Variants in ZSCAN20 observed in about 807,000 individuals in gnomAD.
ZSCAN20 encodes zinc finger and SCAN domain containing 20.
ZSCAN20 carries 39 observed loss-of-function variants against 97.1 expected under a neutral mutation model. The ratio of observed to expected loss-of-function variants is 0.40; its 90% confidence interval spans 0.31 to 0.52. ZSCAN20 has a LOEUF of 0.52. ZSCAN20 is among the 20% of genes least tolerant of loss of function. The pLI, the probability that ZSCAN20 is intolerant of heterozygous loss-of-function variation, is 0.49. For missense variants in ZSCAN20, 1,115 were observed against 1,290.4 expected, an observed-to-expected ratio of 0.86 and a Z score of 2.08; for synonymous variants, 456 against 467.3, an observed-to-expected ratio of 0.98 and a Z score of 0.31.
Position 33,493,396 on chromosome 1 carries a change from A to C in ZSCAN20, c.1654A>C (p.Ser552Arg). 6.2e-7 allele frequency: 1 copy of C among 1,614,184 alleles called. No individual in the cohort carries two copies. The highest frequency in any genetic ancestry group is 8.5e-7 in the Non-Finnish European group (1 of 1,180,024). The change falls in exon 7 of 8, where the codon AGC becomes CGC. Residue 552 changes from serine (S) to arginine (R), a missense_variant. By Grantham distance (110) the Ser-to-Arg change is moderately radical. Coordinates refer to ENST00000684572, the MANE Select transcript of ZSCAN20 (RefSeq NM_001377376.1). This position sits in a 1 kb window ranked among gnomAD's most constrained non-coding sequence, Gnocchi z 4.3. ...CCTTCGAAGCTACCGGAAAGCCAAG[A>C]GCAGCCACCCACCAGGGACATGCCC... is the stretch of plus-strand genomic sequence containing the variant. ...NLLRSYRKAK[S>R]SHPPGTCPFY...
chr1:33,495,267 A>G lies in ZSCAN20; in HGVS notation c.2923A>G (p.Ile975Val). ...ATTCTTCCGTGACCGTTCTAACCTC[A>G]TTACTCACCAGAGGATTCATACGGG... ...GKFFRDRSNLITHQRIHTGEK... is the reference protein window; with the variant it reads ...GKFFRDRSNLVTHQRIHTGEK... Residue 975 changes from isoleucine (I) to valine (V), a missense_variant, in exon 8 of 8, where the codon ATT (isoleucine) becomes GTT (valine). Ile to Val is a conservative substitution (Grantham distance 29). This residue lies in a region of ZSCAN20 where 554 missense variants were observed against 584.9 expected (regional missense o/e 0.95). Transcript: ENST00000684572. The G allele has an allele frequency of 6.2e-7, 1 of 1,612,020 alleles. No homozygotes were observed. Among genetic ancestry groups the G allele is most frequent in the Non-Finnish European group, 8.5e-7 (1 of 1,178,574 alleles).
In ZSCAN20 at chr1:33,494,449, G is replaced by T; in HGVS notation, c.2105G>T (p.Gly702Val). ...EDLEKLIDHQ[G>V]LYLAEKPYKC... ...TTAGAAAAACTTATTGACCATCAAGGCCTGTACCTTGCAGAGAAACCCTAC... is the reference window on the plus strand; with the variant it reads ...TTAGAAAAACTTATTGACCATCAAGTCCTGTACCTTGCAGAGAAACCCTAC... Residue 702 changes from glycine (G) to valine (V), a missense_variant, in exon 8 of 8, where the codon GGC (glycine) becomes GTC (valine). Physicochemically the swap from Gly to Val is moderately radical, Grantham distance 109. Transcript: ENST00000684572. 6.2e-7 allele frequency: 1 copy of T among 1,614,140 alleles called. No homozygotes were observed. Among genetic ancestry groups the T allele is most frequent in the Non-Finnish European group, 8.5e-7 (1 of 1,179,994 alleles).
In ZSCAN20 at chr1:33,493,453, G is replaced by A; in HGVS notation, c.1711G>A (p.Ala571Thr). Reference protein sequence around the residue: ...FYEELDSLMRARAAVRAMGTV... With the variant: ...FYEELDSLMRTRAAVRAMGTV... ...TGAGGAACTGGACTCGCTGATGAGG[G>A]CTCGGGCTGCAGTCAGGGCCATGGG... The change falls in exon 7 of 8, where the codon GCT becomes ACT. Residue 571 changes from alanine (A) to threonine (T), a missense_variant. Coordinates refer to ENST00000684572, the MANE Select transcript of ZSCAN20 (RefSeq NM_001377376.1). The surrounding 1 kb of genome is among the most constrained non-coding windows in gnomAD (Gnocchi z 4.3). The A allele has an allele frequency of 6.2e-7, 1 of 1,614,210 alleles. No individual in the cohort carries two copies. Among genetic ancestry groups the A allele is most frequent in the Non-Finnish European group, 8.5e-7 (1 of 1,180,050 alleles).
At chr1:33,485,534 T>A (rs57656957) in intron 2 of ZSCAN20, among the ~76,000 whole-genome samples, 113,213 of 151,634 alleles carry the variant, frequency 0.75, 42,563 homozygotes, top group African/African-American at 0.78. Context: ...CTCAGCCCCC[T>A]GTAGCTGGGA....
rs757253704 is a variant in ZSCAN20, at chr1:33,501,635, G to A, written c.*6159G>A. On this transcript the variant is annotated 3_prime_UTR_variant, in exon 8 of 8. Transcript: ENST00000684572. ...ATAAGTTAATAAATTATATTAAACTGCCAAAAAAGGAATGTGTTTTCGATT... is the reference window on the plus strand; with the variant it reads ...ATAAGTTAATAAATTATATTAAACTACCAAAAAAGGAATGTGTTTTCGATT... Among the ~76,000 whole-genome samples the A allele has an allele frequency of 6.7e-6, 1 of 148,748 alleles. No individual in the cohort carries two copies.
rs774195110 is a variant in ZSCAN20 at position 33,494,590 on chromosome 1, A to G, written c.2246A>G (p.Asp749Gly). Residue 749 changes from aspartate to glycine, a missense_variant, in exon 8 of 8, where the codon GAC becomes GGC. Asp to Gly is a moderately conservative substitution (Grantham distance 94). This residue lies in a region of ZSCAN20 where 554 missense variants were observed against 584.9 expected (regional missense o/e 0.95). Coordinates refer to ENST00000684572, the MANE Select transcript of ZSCAN20 (RefSeq NM_001377376.1). Reference protein sequence around the residue: ...KCLECGKNFSDRSNLNTHQRI... With the variant: ...KCLECGKNFSGRSNLNTHQRI... The stretch of plus-strand genomic sequence containing the variant: ...CTTGAATGTGGAAAAAACTTTAGTG[A>G]CCGCTCTAACCTCAATACCCATCAG... 1 of 1,613,816 alleles carries G rather than the reference A, an allele frequency of 6.2e-7. No homozygotes were observed. Among genetic ancestry groups the G allele is most frequent in the Non-Finnish European group, 8.5e-7 (1 of 1,179,830 alleles).
rs1220716111 is a variant in ZSCAN20, at chr1:33,491,766, C to G, written c.1444+64C>G. ...CCCTCCTACCAGCTAGACTGCTATT[C>G]CCTGAGGTCAGGGCACAGGCTGCAA... On this transcript the variant is annotated intron_variant, in intron 6 of 7. Transcript: ENST00000684572. The surrounding 1 kb of genome is among the most constrained non-coding windows in gnomAD (Gnocchi z 4.3). The G allele has an allele frequency of 6.7e-7, 1 of 1,487,132 alleles. No homozygotes were observed. Among genetic ancestry groups the G allele is most frequent in the Non-Finnish European group, 9.0e-7 (1 of 1,109,068 alleles). The allele number at this position is 1,487,132 out of a possible 1,614,324, so 92.1% of individuals were successfully genotyped here. A position where few individuals can be genotyped will look rare whatever the true frequency, so the allele number is the denominator to read the frequency against.
chr1:33,481,077 A>G lies in ZSCAN20; in HGVS notation c.417+1372A>G, dbSNP rs559522781. Among the ~76,000 whole-genome samples the G allele has an allele frequency of 5.3e-5, 8 of 152,328 alleles. No individual in the cohort carries two copies. The South Asian group carries it at 1.2e-3, about 24-fold the overall frequency. ...GGGGAGCAAAGGTTTTAGACCGGTGACTTTGCTCTTTGGATTCCTTTACAA... is the reference window on the plus strand; with the variant it reads ...GGGGAGCAAAGGTTTTAGACCGGTGGCTTTGCTCTTTGGATTCCTTTACAA... On this transcript the variant is annotated intron_variant, in intron 2 of 7. Coordinates refer to ENST00000684572, the MANE Select transcript of ZSCAN20 (RefSeq NM_001377376.1).
At chr1:33,492,663 C>G (rs1459036709) in intron 6 of ZSCAN20, 2 of 151,302 alleles carry the variant, frequency 1.3e-5, no homozygotes, top group East Asian at 2.0e-4. Context: ...GTAATCCCAG[C>G]TACTCAGGAG....
chr1:33,479,474 A>G lies in ZSCAN20; in HGVS notation c.186A>G (p.Ala62=), dbSNP rs1402533548. Residue 62 remains alanine, a synonymous_variant, in exon 2 of 8, where the codon GCA becomes GCG. Transcript: ENST00000684572. ...QRFRQFQYRD[A]AGPHEAFSQL... ...TCAGGCAATTCCAATACAGGGATGCAGCTGGACCCCACGAGGCCTTCAGCC... is the reference window on the plus strand; with the variant it reads ...TCAGGCAATTCCAATACAGGGATGCGGCTGGACCCCACGAGGCCTTCAGCC... The G allele has an allele frequency of 1.9e-6, 3 of 1,613,836 alleles. No homozygotes were observed. The highest frequency in any genetic ancestry group is 2.5e-6 in the Non-Finnish European group (3 of 1,179,824).
chr1:33,493,066 A>G lies in ZSCAN20; in HGVS notation c.1445-121A>G. ...AGAAGCAAAGGGATATTCTCCAGGT[A>G]CCTGGATAGTTTCTGACATGCCTAT... On this transcript the variant is annotated intron_variant, in intron 6 of 7. Transcript: ENST00000684572. This position sits in a 1 kb window ranked among gnomAD's most constrained non-coding sequence, Gnocchi z 4.3. 1 of 1,020,768 alleles carries G rather than the reference A, an allele frequency of 9.8e-7. No homozygotes were observed. Among genetic ancestry groups the G allele is most frequent in the Non-Finnish European group, 1.4e-6 (1 of 703,690 alleles). 63.2% of individuals were successfully genotyped at this position (1,020,768 alleles called of 1,614,324 possible). A position where few individuals can be genotyped will look rare whatever the true frequency, so the allele number is the denominator to read the frequency against.
At position 33,497,356 on chromosome 1, in the gene ZSCAN20, AAT is replaced by A. The variant is rs1383107237; in HGVS notation, c.*1882_*1883del. ...GTCAGCAGATGTCAGTAACTGCAGT[AAT>A]ACAGTGATATTGTCTAGTAATGTGA... On this transcript the variant is annotated 3_prime_UTR_variant, in exon 8 of 8. Transcript: ENST00000684572. Among the ~76,000 whole-genome samples the A allele has an allele frequency of 6.6e-6, 1 of 152,196 alleles. No homozygotes were observed. The highest frequency in any genetic ancestry group is 1.5e-5 in the Non-Finnish European group (1 of 68,040).
chr1:33,499,454 A>G lies in ZSCAN20; in HGVS notation c.*3978A>G, dbSNP rs1314635007. On this transcript the variant is annotated 3_prime_UTR_variant, in exon 8 of 8. Coordinates refer to ENST00000684572, the MANE Select transcript of ZSCAN20 (RefSeq NM_001377376.1). ...CTCTTAGGATCCCAGCTGCCTGCCA[A>G]CCAGCTGTGCTTGGGTGACTCCTGG... is the stretch of plus-strand genomic sequence containing the variant. 6.6e-6 allele frequency among the ~76,000 whole-genome samples: 1 copy of G among 151,738 alleles called. No homozygotes were observed. The highest frequency in any genetic ancestry group is 1.5e-5 in the Non-Finnish European group (1 of 67,968).
rs745687435 is a variant in ZSCAN20, at chr1:33,491,653, C to G, written c.1395C>G (p.Thr465=). 3 of 1,612,576 alleles carry G rather than the reference C, an allele frequency of 1.9e-6. No individual in the cohort carries two copies. In the East Asian group the frequency reaches 6.7e-5, roughly 36 times the overall value. ...NGAGLVNVES[T]QGPRIAGAPA... is the part of the protein sequence containing the mutation. ...CTGGCCTGGTCAATGTTGAGTCTAC[C>G]CAGGGGCCCAGGATTGCAGGGGCCC... The change falls in exon 6 of 8, where the codon ACC becomes ACG. Residue 465 remains threonine, a synonymous_variant. Coordinates refer to ENST00000684572, the MANE Select transcript of ZSCAN20 (RefSeq NM_001377376.1). The surrounding 1 kb of genome is among the most constrained non-coding windows in gnomAD (Gnocchi z 4.3).
rs1553124199 is a variant in ZSCAN20, at chr1:33,501,537, T to TTTA, written c.*6063_*6064insATT. Among the ~76,000 whole-genome samples, 773 of 26,404 alleles carry TTTA rather than the reference T, an allele frequency of 0.029. 7 individuals carry two copies. Among genetic ancestry groups the TTTA allele is most frequent in the African/African-American group, 0.18 (560 of 3,104 alleles). 17.3% of individuals were successfully genotyped at this position (26,404 alleles called of 152,430 possible). A position where few individuals can be genotyped will look rare whatever the true frequency, so the allele number is the denominator to read the frequency against. On this transcript the variant is annotated 3_prime_UTR_variant, in exon 8 of 8. Transcript: ENST00000684572. ...GCTTTCACTTCCCCATTTTCTGTTA[T>TTTA]TTTTTTTTTTTTTGTGCTGTTATGT... is the stretch of plus-strand genomic sequence containing the variant.
In ZSCAN20 at chr1:33,493,181, T is replaced by C. The variant is rs1242876616; in HGVS notation, c.1445-6T>C. 1 of 1,611,730 alleles carries C rather than the reference T, an allele frequency of 6.2e-7. No individual in the cohort carries two copies. The highest frequency in any genetic ancestry group is 8.5e-7 in the Non-Finnish European group (1 of 1,178,090). ...CTCACAGTTCTCAACTCTTCACTCC[T>C]GACAGCAGGTGTGCACTGGGGCTAT... On this transcript the variant is annotated splice_polypyrimidine_tract_variant and splice_region_variant and intron_variant, in intron 6 of 7. Coordinates refer to ENST00000684572, the MANE Select transcript of ZSCAN20 (RefSeq NM_001377376.1). This position sits in a 1 kb window ranked among gnomAD's most constrained non-coding sequence, Gnocchi z 4.3.
Position 33,499,768 on chromosome 1 carries a change from A to AT in ZSCAN20, c.*4300dup, listed in dbSNP as rs142324411. On this transcript the variant is annotated 3_prime_UTR_variant, in exon 8 of 8. Coordinates refer to ENST00000684572, the MANE Select transcript of ZSCAN20 (RefSeq NM_001377376.1). ...ATCATTCAAAATATTCCCTTACCCC[A>AT]TTTTTTTTGGGGGGGAGATGGGGGT... Among the ~76,000 whole-genome samples, 512 of 151,948 alleles carry AT rather than the reference A, an allele frequency of 3.4e-3. 3 individuals carry two copies. Among genetic ancestry groups the AT allele is most frequent in the Non-Finnish European group, 5.2e-3 (355 of 67,922 alleles).
rs1222695363 is a variant in ZSCAN20 at position 33,495,118 on chromosome 1, A to C, written c.2774A>C (p.His925Pro). ...ACCCTGGCCAACCACCAGCGCACCC[A>C]CACTGGAGAGAAGCCGTATAAATGT... ...SSTLANHQRT[H>P]TGEKPYKCVD... Residue 925 changes from histidine to proline, a missense_variant, in exon 8 of 8, where the codon CAC becomes CCC. This residue lies in a region of ZSCAN20 where 554 missense variants were observed against 584.9 expected (regional missense o/e 0.95). Coordinates refer to ENST00000684572, the MANE Select transcript of ZSCAN20 (RefSeq NM_001377376.1). 1.9e-6 allele frequency: 3 copies of C among 1,613,518 alleles called. No individual in the cohort carries two copies. The highest frequency in any genetic ancestry group is 2.5e-6 in the Non-Finnish European group (3 of 1,179,638).
Position 33,479,570 on chromosome 1 carries a change from C to G in ZSCAN20, c.282C>G (p.Leu94=). 9 of 1,613,904 alleles carry G rather than the reference C, an allele frequency of 5.6e-6. No individual in the cohort carries two copies. Among genetic ancestry groups the G allele is most frequent in the Non-Finnish European group, 7.6e-6 (9 of 1,179,864 alleles). The change falls in exon 2 of 8, where the codon CTC becomes CTG. Residue 94 remains leucine, a synonymous_variant. Transcript: ENST00000684572. ...TCAAAGAGCAGATCCTGGAGCTGCTCGTGCTGGAGCAGTTCCTGACTATCT... is the reference window on the plus strand; with the variant it reads ...TCAAAGAGCAGATCCTGGAGCTGCTGGTGCTGGAGCAGTTCCTGACTATCT... The part of the protein sequence containing the change: ...IRLKEQILEL[L]VLEQFLTILP...
Sources: gnomAD v4.1 joint callset for allele counts (sites outside exome capture counted in the v4.1 genomes callset) on GRCh38, gnomAD v4.1.1 for gene constraint, gnomAD v4.1.1 regional missense constraint, Gnocchi (gnomAD v3.1) non-coding constraint, MANE v1.5 for transcripts, NCBI Gene and HGNC (gene_info 2026-07-23, HGNC 2026-07-21) for gene names.